Variants in ZNF385D observed in about 807,000 individuals in gnomAD.
ZNF385D encodes zinc finger protein 385D, also known as zinc finger protein 659.
ZNF385D carries 15 observed loss-of-function variants against 35.8 expected under a neutral mutation model. That is an observed-to-expected ratio of 0.42 (90% CI 0.28 to 0.64). The LOEUF (loss-of-function observed/expected upper bound fraction) is 0.64, where lower values mean the gene tolerates loss of function less well. Among genes scored for constraint, ZNF385D ranks in the 30% least tolerant of loss-of-function variants. The probability of loss-of-function intolerance (pLI) is 0.23; values close to 1 mark genes in which losing one functional copy is unlikely to be tolerated. For missense variants in ZNF385D, 474 were observed against 494.6 expected (o/e 0.96, Z 0.39); for synonymous variants, 212 against 186.8 (o/e 1.13, Z -1.10).
intron 1 of ZNF385D, among the ~76,000 whole-genome samples, chr3:21,692,695 T>C (rs1386310217): frequency 6.6e-6 from 1 of 152,232 alleles, no homozygotes; most frequent in Non-Finnish European, 1.5e-5. Flanking sequence ...AGAGTGCATG[T>C]CTTCATTCGT....
chr3:22,317,054 G>C (rs552512396), intron 2 of ZNF385D, among the ~76,000 whole-genome samples: 3 of 151,950 alleles, frequency 2.0e-5, no homozygotes, highest in Admixed American at 1.3e-4. Flanking sequence ...GAGGTGGGCG[G>C]ATTACCTGAG....
chr3:21,639,734 C>T (rs1443107704), intron 2 of ZNF385D, among the ~76,000 whole-genome samples: 1 of 151,914 alleles, frequency 6.6e-6, no homozygotes, highest in African/African-American at 2.4e-5. Flanking sequence ...CTATATTGTT[C>T]ACATAAAAAC....
Position 22,332,160 on chromosome 3 carries a change from T to C in ZNF385D, c.106+40290A>G, listed in dbSNP as rs547455981. ...AAGAGGAGGCCTAACAAGACCTGGT[T>C]GTTTTATGCAGGATGTGTTTATTGT... On this transcript the variant is annotated intron_variant, in intron 2 of 5. Transcript: ENST00000494108. Among the ~76,000 whole-genome samples, 9 of 152,292 alleles carry C rather than the reference T, an allele frequency of 5.9e-5. No individual in the cohort carries two copies. In the East Asian group the frequency reaches 1.7e-3, roughly 29 times the overall value.
intron 3 of ZNF385D, among the ~76,000 whole-genome samples, chr3:22,001,743 TA>T (rs35919641): frequency 6.6e-6 from 1 of 151,108 alleles, no homozygotes; most frequent in Non-Finnish European, 1.5e-5. Flanking sequence ...AAGTCTCAAT[TA>T]AAAAAAAATC....
chr3:21,573,544 A>C (rs2063397620), intron 2 of ZNF385D, among the ~76,000 whole-genome samples: 1 of 152,210 alleles, frequency 6.6e-6, no homozygotes, highest in Non-Finnish European at 1.5e-5. Context: ...ATTACGAGGA[A>C]GTGTTCTGCA....
At chr3:21,618,504 A>G (rs911761510) in intron 2 of ZNF385D, among the ~76,000 whole-genome samples, 27 of 152,306 alleles carry the variant, frequency 1.8e-4, no homozygotes, top group African/African-American at 6.0e-4. Flanking sequence ...GTAATTTGTT[A>G]TAGCACTCCT....
chr3:21,434,793 A>G (rs1053428986), intron 5 of ZNF385D, among the ~76,000 whole-genome samples: 2 of 152,272 alleles, frequency 1.3e-5, no homozygotes, highest in Non-Finnish European at 2.9e-5. Context: ...AAACAGAAAA[A>G]GATCTCAGAT....
chr3:21,521,875 G>T (rs1707930262), intron 3 of ZNF385D, among the ~76,000 whole-genome samples: 2 of 152,114 alleles, frequency 1.3e-5, no homozygotes, highest in African/African-American at 4.8e-5. Flanking sequence ...GCTACATAAA[G>T]AATACATAGA....
At chr3:21,965,480 A>C (rs926920388) in intron 3 of ZNF385D, among the ~76,000 whole-genome samples, 1 of 147,644 alleles carries the variant, frequency 6.8e-6, no homozygotes, top group African/African-American at 2.7e-5. Flanking sequence ...CAGAAAAAAA[A>C]CTGAAGAACA....
intron 7 of ZNF385D, 76 bp downstream of exon 7, chr3:21,423,887 A>G: frequency 6.9e-7 from 1 of 1,447,968 alleles, no homozygotes; most frequent in Non-Finnish European, 9.5e-7. Flanking sequence ...TAAAGGTGGC[A>G]AAATGCCAGA....
intron 3 of ZNF385D, among the ~76,000 whole-genome samples, chr3:21,876,753 C>T (rs1256473638): frequency 1.3e-5 from 2 of 151,674 alleles, no homozygotes; most frequent in Non-Finnish European, 1.5e-5. Flanking sequence ...TTTTGTAGTA[C>T]AAAATCTTTG....
intron 2 of ZNF385D, among the ~76,000 whole-genome samples, chr3:21,571,560 ATAATACTGCCACTAACTATCCAGAG>A (rs1311585091): frequency 6.6e-6 from 1 of 152,126 alleles, no homozygotes; most frequent in Non-Finnish European, 1.5e-5. Context: ...GTACTGCAAT[ATAATACTGCCACTAACTATCCAGAG>A]TTGGTGTAGA....
chr3:21,966,628 T>A (rs1455267178), intron 3 of ZNF385D, among the ~76,000 whole-genome samples: 2 of 152,166 alleles, frequency 1.3e-5, no homozygotes, highest in African/African-American at 4.8e-5. Flanking sequence ...GTAGCCCAGG[T>A]TGGAGTGCAG....
chr3:21,429,452 T>G (rs1701189908), intron 5 of ZNF385D, among the ~76,000 whole-genome samples: 1 of 152,134 alleles, frequency 6.6e-6, no homozygotes, highest in African/African-American at 2.4e-5. Context: ...AACCATTATC[T>G]AATATTAGAC....
At position 22,024,343 on chromosome 3, in the gene ZNF385D, C is replaced by G. The variant is rs149466180; in HGVS notation, c.325+144474G>C. On this transcript the variant is annotated intron_variant, in intron 3 of 5. Transcript: ENST00000494108. Reference sequence around the variant, plus strand: ...TGCGTGTGTGTGTATGATAGGATACCTATATATCCTATTCGTTCTGTCCCT... The same window carrying G: ...TGCGTGTGTGTGTATGATAGGATACGTATATATCCTATTCGTTCTGTCCCT... Among the ~76,000 whole-genome samples the G allele has an allele frequency of 7.5e-4, 114 of 151,972 alleles. 1 individual carries two copies. Among genetic ancestry groups the G allele is most frequent in the African/African-American group, 2.4e-3 (101 of 41,462 alleles).
intron 2 of ZNF385D, among the ~76,000 whole-genome samples, chr3:22,303,513 T>C (rs1390709837): frequency 9.9e-5 from 15 of 152,152 alleles, no homozygotes; most frequent in Admixed American, 9.8e-4. Flanking sequence ...GATTTTACTT[T>C]TTTATCAGCT....
intron 2 of ZNF385D, among the ~76,000 whole-genome samples, chr3:22,267,813 C>G (rs1700971928): frequency 6.6e-6 from 1 of 151,726 alleles, no homozygotes; most frequent in Admixed American, 6.6e-5. Flanking sequence ...TAAAGTATTA[C>G]CAATATACTC....
Position 22,184,204 on chromosome 3 carries a change from G to C in ZNF385D, c.107-15169C>G, listed in dbSNP as rs143644710. 3.8e-3 allele frequency among the ~76,000 whole-genome samples: 580 copies of C among 152,236 alleles called. 6 individuals carry two copies. The highest frequency in any genetic ancestry group is 0.017 in the Middle Eastern group (5 of 294). On this transcript the variant is annotated intron_variant, in intron 2 of 5. Transcript: ENST00000494108. Reference sequence around the variant, plus strand: ...TCTGTTCTCCCATTTGTAAGAAGGAGGTGAACAAATGATCTCTATTCCCTT... The same window carrying C: ...TCTGTTCTCCCATTTGTAAGAAGGACGTGAACAAATGATCTCTATTCCCTT...
chr3:22,191,623 G>T (rs1229289208), intron 2 of ZNF385D, among the ~76,000 whole-genome samples: 1 of 151,962 alleles, frequency 6.6e-6, no homozygotes, highest in East Asian at 1.9e-4. Context: ...TCTTACTAAA[G>T]ATCTATTGTC....
Sources: gnomAD v4.1 joint callset for allele counts (sites outside exome capture counted in the v4.1 genomes callset) on GRCh38, gnomAD v4.1.1 for gene constraint, MANE v1.5 for transcripts, NCBI Gene and HGNC (gene_info 2026-07-23, HGNC 2026-07-21) for gene names.